Variants in SLC14A2 observed in about 807,000 individuals in gnomAD.
SLC14A2 encodes urea transporter 2.
A neutral mutation model predicts 104.6 loss-of-function variants in SLC14A2; 91 were observed. The observed-to-expected ratio is 0.87, with a 90% CI of 0.73 to 1.04. The LOEUF (loss-of-function observed/expected upper bound fraction) is 1.04. Ranked by LOEUF, SLC14A2 falls within the 50% of genes least tolerant of loss-of-function variation. The pLI is 0.00. For missense variants in SLC14A2, 1,189 were observed against 1,156.0 expected (o/e 1.03, Z -0.41); for synonymous variants, 476 against 466.4 (o/e 1.02, Z -0.27).
chr18:45,409,835 G>A (rs993685808), intron 1 of SLC14A2, among the ~76,000 whole-genome samples: 7 of 152,140 alleles, frequency 4.6e-5, no homozygotes, highest in Admixed American at 2.6e-4. Context: ...CACAGACCGG[G>A]GTTGGAGGGT....
the SLC14A2 span, chr18:45,180,115 C>G: frequency 6.6e-6 from 1 of 152,340 alleles, no homozygotes; most frequent in East Asian, 1.9e-4. Context: ...TACCAATGCA[C>G]TCCAGCCTTT....
rs550868521 is a variant in SLC14A2, at chr18:45,644,026, C to A, written c.1217C>A (p.Thr406Asn). Residue 406 changes from threonine (T) to asparagine (N), a missense_variant, in exon 10 of 20, where the codon ACC becomes AAC. By Grantham distance (65) the Thr-to-Asn change is moderately conservative. Coordinates refer to ENST00000255226, the MANE Select transcript of SLC14A2 (RefSeq NM_007163.4). ...PPGTWAFCLA[T>N]IIFLLLTTNN... ...GGCACCTGGGCCTTCTGCCTTGCCACCATCATCTTCCTGCTCCTGACGACA... is the reference window on the plus strand; with the variant it reads ...GGCACCTGGGCCTTCTGCCTTGCCAACATCATCTTCCTGCTCCTGACGACA... 2.5e-6 allele frequency: 4 copies of A among 1,614,184 alleles called. No individual in the cohort carries two copies. The East Asian group carries it at 8.9e-5, about 36-fold the overall frequency.
intron 2 of SLC14A2, among the ~76,000 whole-genome samples, chr18:45,542,042 T>TTTTTTG (rs2043894131): frequency 9.5e-6 from 1 of 105,768 alleles, no homozygotes; most frequent in Non-Finnish European, 2.1e-5. Flanking sequence ...AGGGTTTTTT[T>TTTTTTG]TTTTTTTTTT....
chr18:45,463,810 C>T (rs2087089596), intron 1 of SLC14A2, among the ~76,000 whole-genome samples: 1 of 152,142 alleles, frequency 6.6e-6, no homozygotes, highest in African/African-American at 2.4e-5. Context: ...TGACACATGG[C>T]AGACCCTTGG....
chr18:45,327,016 ATCTG>A (rs1442021218), intron 1 of SLC14A2, among the ~76,000 whole-genome samples: 2 of 151,592 alleles, frequency 1.3e-5, no homozygotes, highest in Non-Finnish European at 2.9e-5. Flanking sequence ...CATTCTATCT[ATCTG>A]TCTATCTCTC....
chr18:45,289,527 C>T (rs1157594521), intron 1 of SLC14A2, among the ~76,000 whole-genome samples: 4 of 152,284 alleles, frequency 2.6e-5, no homozygotes, highest in South Asian at 2.1e-4. Context: ...GAAGCACAGG[C>T]CAATGTTCCT....
chr18:45,294,725 CACAGTGGCATCTT>C (rs1443044918), intron 1 of SLC14A2, among the ~76,000 whole-genome samples: 1 of 152,216 alleles, frequency 6.6e-6, no homozygotes, highest in Non-Finnish European at 1.5e-5. Context: ...AAACACACCG[CACAGTGGCATCTT>C]ACAAACCTGG....
chr18:45,342,448 T>G (rs980997995), intron 1 of SLC14A2, among the ~76,000 whole-genome samples: 4 of 152,086 alleles, frequency 2.6e-5, no homozygotes, highest in Admixed American at 2.6e-4. Flanking sequence ...GGATGTGTGG[T>G]TTAAAGTCAA....
chr18:45,593,206 A>C (rs978665147), intron 2 of SLC14A2, among the ~76,000 whole-genome samples: 1 of 151,526 alleles, frequency 6.6e-6, no homozygotes, highest in African/African-American at 2.4e-5. Context: ...AGTCCCAGCT[A>C]CTCGGGAGGC....
intron 1 of SLC14A2, among the ~76,000 whole-genome samples, chr18:45,619,768 A>G (rs2045134974): frequency 1.3e-5 from 2 of 152,054 alleles, no homozygotes; most frequent in African/African-American, 4.8e-5. Context: ...GAAACTTTTG[A>G]AAGCTGTTCC....
intron 2 of SLC14A2, among the ~76,000 whole-genome samples, chr18:45,562,819 C>T (rs957148759): frequency 6.6e-6 from 1 of 152,108 alleles, no homozygotes; most frequent in Non-Finnish European, 1.5e-5. Flanking sequence ...GGGTGGGAAA[C>T]AACCAAGAGG....
chr18:45,521,202 G>T (rs1407789400), intron 2 of SLC14A2, among the ~76,000 whole-genome samples: 1 of 152,240 alleles, frequency 6.6e-6, no homozygotes, highest in African/African-American at 2.4e-5. Context: ...CCAGTTTGAT[G>T]ATGGGCTTTG....
rs59843067 is a variant in SLC14A2 at position 45,648,195 on chromosome 18, CTTTTTTTTTTTTTTT to C, written c.1351+4049_1351+4063del. On this transcript the variant is annotated intron_variant, in intron 10 of 19. Coordinates refer to ENST00000255226, the MANE Select transcript of SLC14A2 (RefSeq NM_007163.4). The stretch of plus-strand genomic sequence containing the variant: ...GTTACCCTCTTTATTCTAGTTAATG[CTTTTTTTTTTTTTTT>C]TTTTTTTTTTTTTGAGATGGAGTCT... 1.1e-3 allele frequency among the ~76,000 whole-genome samples: 114 copies of C among 101,224 alleles called. 1 individual carries two copies. The highest frequency in any genetic ancestry group is 7.4e-3 in the Middle Eastern group (1 of 136). 66.4% of individuals were successfully genotyped at this position (101,224 alleles called of 152,430 possible). A position where few individuals can be genotyped will look rare whatever the true frequency, so the allele number is the denominator to read the frequency against.
chr18:45,303,135 TCA>T (rs1338872514), intron 1 of SLC14A2, among the ~76,000 whole-genome samples: 2 of 152,204 alleles, frequency 1.3e-5, no homozygotes, highest in Non-Finnish European at 2.9e-5. Flanking sequence ...CACAGCAGAT[TCA>T]CAGAGACTCC....
chr18:45,508,461 G>A (rs1200497249), intron 2 of SLC14A2, among the ~76,000 whole-genome samples: 3 of 152,154 alleles, frequency 2.0e-5, no homozygotes, highest in Non-Finnish European at 4.4e-5. Flanking sequence ...CTTGTCTACC[G>A]CCATGTGACA....
Position 45,637,013 on chromosome 18 carries a change from A to G in SLC14A2, c.674A>G (p.Asn225Ser). Residue 225 changes from asparagine to serine, a missense_variant, in exon 6 of 20, where the codon AAT becomes AGT. Coordinates refer to ENST00000255226, the MANE Select transcript of SLC14A2 (RefSeq NM_007163.4). Reference sequence around the variant, plus strand: ...AGCCCAGTTCTTTCTAGTGCCTTGAATTCCATCTTCAGCAAGTGGGACCTC... The same window carrying G: ...AGCCCAGTTCTTTCTAGTGCCTTGAGTTCCATCTTCAGCAAGTGGGACCTC... The part of the protein sequence containing the change: ...MSCPVLSSAL[N>S]SIFSKWDLPV... 1 of 1,614,108 alleles carries G rather than the reference A, an allele frequency of 6.2e-7. No homozygotes were observed. The highest frequency in any genetic ancestry group is 8.5e-7 in the Non-Finnish European group (1 of 1,179,980).
intron 1 of SLC14A2, among the ~76,000 whole-genome samples, chr18:45,463,945 C>T (rs1176131331): frequency 6.6e-6 from 1 of 152,158 alleles, no homozygotes. Flanking sequence ...ATTAGCCCTG[C>T]CCACCCTATT....
chr18:45,342,399 A>G (rs1320793581), intron 1 of SLC14A2, among the ~76,000 whole-genome samples: 2 of 152,132 alleles, frequency 1.3e-5, no homozygotes, highest in East Asian at 1.9e-4. Flanking sequence ...TTGAAAGAAG[A>G]GACAGCAGAT....
At chr18:45,660,893 T>C (rs956586756) in intron 10 of SLC14A2, among the ~76,000 whole-genome samples, 1 of 152,238 alleles carries the variant, frequency 6.6e-6, no homozygotes, top group Non-Finnish European at 1.5e-5. Context: ...CTTGAGAAGT[T>C]TGCTATTTTA....
Sources: gnomAD v4.1 joint callset for allele counts (sites outside exome capture counted in the v4.1 genomes callset) on GRCh38, gnomAD v4.1.1 for gene constraint, MANE v1.5 for transcripts, NCBI Gene and HGNC (gene_info 2026-07-23, HGNC 2026-07-21) for gene names.